Variants in ADAMTS20 observed in about 807,000 individuals in gnomAD.
ADAMTS20 encodes A disintegrin and metalloproteinase with thrombospondin motifs 20.
ADAMTS20 carries 225 observed loss-of-function variants against 260.1 expected under a neutral mutation model. That is an observed-to-expected ratio of 0.87 (90% CI 0.78 to 0.97). The LOEUF (loss-of-function observed/expected upper bound fraction) is 0.97, where lower values mean the gene tolerates loss of function less well. Ranked by LOEUF, ADAMTS20 falls within the 50% of genes least tolerant of loss-of-function variation. The probability of loss-of-function intolerance (pLI) is 0.00; values close to 1 mark genes in which losing one functional copy is unlikely to be tolerated. For synonymous variants in ADAMTS20, 802 were observed against 769.5 expected (o/e 1.04, Z -0.70); for missense variants, 2,400 against 2,337.7 (o/e 1.03, Z -0.55).
At chr12:43,457,894 T>C (rs1941994066) in intron 11 of ADAMTS20, among the ~76,000 whole-genome samples, 1 of 152,236 alleles carries the variant, frequency 6.6e-6, no homozygotes. Flanking sequence ...TCCATTCAAA[T>C]CTTTCATTAT....
intron 2 of ADAMTS20, among the ~76,000 whole-genome samples, chr12:43,547,272 G>A (rs1185272126): frequency 6.6e-6 from 1 of 152,162 alleles, no homozygotes; most frequent in Admixed American, 6.5e-5. Flanking sequence ...GGGAATGAGA[G>A]AGTCTACCTC....
chr12:43,547,093 A>G (rs1943450704), intron 2 of ADAMTS20, among the ~76,000 whole-genome samples: 1 of 152,254 alleles, frequency 6.6e-6, no homozygotes, highest in Admixed American at 6.5e-5. Flanking sequence ...AAAAGAAAGT[A>G]TTAGTTCACA....
chr12:43,514,881 T>C (rs1157031225), intron 3 of ADAMTS20, among the ~76,000 whole-genome samples: 1 of 152,234 alleles, frequency 6.6e-6, no homozygotes, highest in Non-Finnish European at 1.5e-5. Flanking sequence ...AATATCGATA[T>C]CTACTGAGTG....
Position 43,536,384 on chromosome 12 carries a change from C to T in ADAMTS20, c.454-4189G>A, listed in dbSNP as rs995075664. On this transcript the variant is annotated intron_variant, in intron 2 of 38. Coordinates refer to ENST00000389420, the MANE Select transcript of ADAMTS20 (RefSeq NM_025003.5). ...TGGGCACCTACTATGTGCCAAGAAC[C>T]GTTCTAGGGGCTAACGATACAGAGA... is the stretch of plus-strand genomic sequence containing the variant. Among the ~76,000 whole-genome samples the T allele has an allele frequency of 4.6e-5, 7 of 152,094 alleles. No homozygotes were observed. In the East Asian group the frequency reaches 5.8e-4, roughly 13 times the overall value.
At chr12:43,426,721 T>C (rs1016458450) in intron 27 of ADAMTS20, among the ~76,000 whole-genome samples, 1 of 152,236 alleles carries the variant, frequency 6.6e-6, no homozygotes, top group Non-Finnish European at 1.5e-5. Flanking sequence ...TATATTTTAT[T>C]CTAGTTTTCT....
intron 29 of ADAMTS20, among the ~76,000 whole-genome samples, chr12:43,387,215 T>C (rs1011447559): frequency 2.6e-5 from 4 of 152,204 alleles, no homozygotes; most frequent in Non-Finnish European, 5.9e-5. Flanking sequence ...TTGCTTTCTG[T>C]TTGTTAATTT....
At chr12:43,437,627 A>G (rs1173411714) in intron 18 of ADAMTS20, among the ~76,000 whole-genome samples, 1 of 152,220 alleles carries the variant, frequency 6.6e-6, no homozygotes, top group Admixed American at 6.5e-5. Flanking sequence ...CTATTGATCG[A>G]GCATGAGAAT....
intron 4 of ADAMTS20, among the ~76,000 whole-genome samples, chr12:43,494,724 GAATTTACAGTTGAATTTATAT>G (rs534108697): frequency 0.014 from 2,099 of 152,018 alleles, 51 homozygotes; most frequent in African/African-American, 0.048. Context: ...TAGGAGCTGT[GAATTTACAGTTGAATTTATAT>G]ATTCATTTTA....
chr12:43,548,486 G>C (rs1426139752), intron 2 of ADAMTS20, among the ~76,000 whole-genome samples: 1 of 152,058 alleles, frequency 6.6e-6, no homozygotes, highest in Non-Finnish European at 1.5e-5. Flanking sequence ...AGACTAAAAA[G>C]GGGAATCTGG....
Position 43,380,393 on chromosome 12 carries a change from T to A in ADAMTS20, c.4798-2831A>T, listed in dbSNP as rs527743060. ...GCAGGAACAAGACTGAAATGTCTGT[T>A]TTTACCACTTCTATTTAACATTATT... On this transcript the variant is annotated intron_variant, in intron 31 of 38. Coordinates refer to ENST00000389420, the MANE Select transcript of ADAMTS20 (RefSeq NM_025003.5). 3.3e-5 allele frequency among the ~76,000 whole-genome samples: 5 copies of A among 152,262 alleles called. 1 individual carries two copies. The highest frequency in any genetic ancestry group is 1.2e-4 in the African/African-American group (5 of 41,568).
chr12:43,446,464 C>T, intron 15 of ADAMTS20, 131 bp downstream of exon 15: 1 of 613,906 alleles, frequency 1.6e-6, no homozygotes, highest in Non-Finnish European at 2.7e-6. Flanking sequence ...GAAATTTTTC[C>T]TTAACAATCA....
At chr12:43,423,995 T>C in intron 28 of ADAMTS20, 1 of 662,510 alleles carries the variant, frequency 1.5e-6, no homozygotes, top group Non-Finnish European at 2.7e-6. Context: ...AATTTCAGCC[T>C]GAACCAGAGC....
intron 28 of ADAMTS20, among the ~76,000 whole-genome samples, chr12:43,401,866 C>T (rs1565681592): frequency 6.6e-6 from 1 of 151,638 alleles, no homozygotes; most frequent in African/African-American, 2.4e-5. Context: ...TCATATTTTG[C>T]TGCTTTTCAC....
Position 43,427,299 on chromosome 12 carries a change from A to G in ADAMTS20, c.4107+9T>C, listed in dbSNP as rs1194495793. 5 of 1,611,562 alleles carry G rather than the reference A, an allele frequency of 3.1e-6. 1 individual carries two copies. The South Asian group carries it at 5.5e-5, about 18-fold the overall frequency. ...TAATCTCACAAGTTTAGAAAATATT[A>G]TGACTTACTTCTCCCCAATTTCCGT... On this transcript the variant is annotated intron_variant, in intron 27 of 38. Transcript: ENST00000389420.
intron 11 of ADAMTS20, among the ~76,000 whole-genome samples, chr12:43,455,881 G>T (rs2137360139): frequency 6.6e-6 from 1 of 152,146 alleles, no homozygotes. Context: ...GCTAATTTTT[G>T]TATTTTTAGT....
chr12:43,532,555 G>GTTTTTT (rs370124548), intron 2 of ADAMTS20, among the ~76,000 whole-genome samples: 1 of 137,324 alleles, frequency 7.3e-6, no homozygotes, highest in Non-Finnish European at 1.5e-5. Flanking sequence ...TTTTTTTAAT[G>GTTTTTT]TTTTTTTTTT....
At chr12:43,380,549 C>T (rs917165843) in intron 31 of ADAMTS20, among the ~76,000 whole-genome samples, 1 of 152,090 alleles carries the variant, frequency 6.6e-6, no homozygotes, top group South Asian at 2.1e-4. Context: ...TTAATCCACA[C>T]ACTAAATAAT....
At chr12:43,503,247 T>G (rs1163614549) in intron 3 of ADAMTS20, among the ~76,000 whole-genome samples, 1 of 152,124 alleles carries the variant, frequency 6.6e-6, no homozygotes, top group East Asian at 1.9e-4. Context: ...TTGGCTAATT[T>G]TTCTGACAAT....
chr12:43,488,171 G>A (rs1041298823), intron 7 of ADAMTS20, among the ~76,000 whole-genome samples: 1 of 151,980 alleles, frequency 6.6e-6, no homozygotes, highest in African/African-American at 2.4e-5. Flanking sequence ...AAGAAAAGAT[G>A]TTAAAAAGTA....
Sources: allele counts gnomAD v4.1 joint callset (sites outside exome capture counted in the v4.1 genomes callset), GRCh38; gene constraint gnomAD v4.1.1; transcripts MANE v1.5; gene names NCBI Gene and HGNC (gene_info 2026-07-23, HGNC 2026-07-21).